OSBPL1A: variants seen among roughly 807,000 people sequenced by gnomAD.
OSBPL1A encodes the protein oxysterol binding protein like 1A, also known as oxysterol-binding protein-related protein 1.
In OSBPL1A, 80 loss-of-function variants were observed where a neutral mutation model predicts 137.1. That is an observed-to-expected ratio of 0.58 (90% CI 0.49 to 0.70). The LOEUF (loss-of-function observed/expected upper bound fraction) is 0.70. Among genes scored for constraint, OSBPL1A ranks in the 30% least tolerant of loss-of-function variants. The probability of loss-of-function intolerance (pLI) is 0.00; values close to 1 mark genes in which losing one functional copy is unlikely to be tolerated. For synonymous variants in OSBPL1A, 365 were observed against 389.7 expected (o/e 0.94, Z 0.75); for missense variants, 970 against 1,129.4 (o/e 0.86, Z 2.02).
intron 17 of OSBPL1A, among the ~76,000 whole-genome samples, chr18:24,210,996 C>T (rs188566525): frequency 2.0e-5 from 3 of 151,870 alleles, no homozygotes; most frequent in Non-Finnish European, 4.4e-5. Context: ...GACGGAGTCT[C>T]GCTCTGTCAC....
chr18:24,187,857 G>A (rs2086790709), intron 18 of OSBPL1A, among the ~76,000 whole-genome samples: 1 of 152,170 alleles, frequency 6.6e-6, no homozygotes, highest in South Asian at 2.1e-4. Context: ...GGGCCAGGAG[G>A]GATCCAAACA....
intron 15 of OSBPL1A, among the ~76,000 whole-genome samples, chr18:24,267,121 G>A (rs2089598079): frequency 6.7e-6 from 1 of 149,176 alleles, no homozygotes; most frequent in Non-Finnish European, 1.5e-5. Flanking sequence ...AAAAGTTTAG[G>A]AAAGATATAT....
At chr18:24,281,781 G>GA (rs1372967806) in intron 14 of OSBPL1A, among the ~76,000 whole-genome samples, 1 of 152,180 alleles carries the variant, frequency 6.6e-6, no homozygotes, top group African/African-American at 2.4e-5. Context: ...CCTTCTCCTA[G>GA]AAAGGTCTAT....
intron 17 of OSBPL1A, among the ~76,000 whole-genome samples, chr18:24,216,314 T>A (rs2087695615): frequency 6.6e-6 from 1 of 152,200 alleles, no homozygotes. Context: ...GAGACCAGCC[T>A]GGGCAACACA....
intron 5 of OSBPL1A, among the ~76,000 whole-genome samples, chr18:24,340,728 C>T (rs1054794013): frequency 5.9e-5 from 9 of 152,068 alleles, no homozygotes; most frequent in Non-Finnish European, 1.3e-4. Flanking sequence ...ATCGCTTGAA[C>T]CCAAGAGGCG....
intron 21 of OSBPL1A, among the ~76,000 whole-genome samples, chr18:24,175,115 T>TATATATATAC (rs2086402451): frequency 3.4e-5 from 1 of 29,186 alleles, no homozygotes; most frequent in African/African-American, 6.9e-5. Flanking sequence ...TATGTATATA[T>TATATATATAC]ATATATATAT....
intron 4 of OSBPL1A, chr18:24,358,401 TTGTCCACTCC>T (rs569657665): frequency 5.8e-6 from 4 of 694,190 alleles, no homozygotes; most frequent in Non-Finnish European, 1.0e-5. Context: ...ACTACTTGAC[TTGTCCACTCC>T]TGTCCACTTC....
intron 15 of OSBPL1A, among the ~76,000 whole-genome samples, chr18:24,262,399 T>C (rs1201863912): frequency 6.6e-6 from 1 of 152,024 alleles, no homozygotes; most frequent in Non-Finnish European, 1.5e-5. Context: ...ATAGTTTTTT[T>C]TTTTGAGATA....
intron 13 of OSBPL1A, among the ~76,000 whole-genome samples, chr18:24,309,058 A>C (rs1189587934): frequency 1.3e-5 from 2 of 152,238 alleles, no homozygotes; most frequent in Non-Finnish European, 2.9e-5. Flanking sequence ...GGCGTAAGCC[A>C]CCGTGCCCAG....
At chr18:24,349,675 A>G (rs2146169358) in intron 4 of OSBPL1A, among the ~76,000 whole-genome samples, 1 of 149,474 alleles carries the variant, frequency 6.7e-6, no homozygotes, top group Non-Finnish European at 1.5e-5. Context: ...CTGTGTGGCC[A>G]TGATTTGAGG....
intron 14 of OSBPL1A, among the ~76,000 whole-genome samples, chr18:24,290,206 G>T (rs572498617): frequency 6.6e-6 from 1 of 152,068 alleles, no homozygotes; most frequent in Admixed American, 6.6e-5. Flanking sequence ...AATCCATAAA[G>T]ACACCGAATA....
intron 11 of OSBPL1A, among the ~76,000 whole-genome samples, chr18:24,316,865 A>C (rs150254744): frequency 9.2e-4 from 140 of 152,368 alleles, no homozygotes; most frequent in African/African-American, 3.3e-3. Context: ...AGGATATTTC[A>C]TCATCAAATA....
intron 2 of OSBPL1A, among the ~76,000 whole-genome samples, chr18:24,369,160 G>C (rs1433341068): frequency 1.3e-5 from 2 of 152,192 alleles, no homozygotes; most frequent in African/African-American, 2.4e-5. Context: ...TCTACAGATA[G>C]TGCCTGAAAG....
rs968561166 is a variant in OSBPL1A, at chr18:24,392,839, C to T, written c.-3+4816G>A. Among the ~76,000 whole-genome samples the T allele has an allele frequency of 5.3e-5, 8 of 152,180 alleles. No homozygotes were observed. The East Asian group carries it at 7.8e-4, about 15-fold the overall frequency. The stretch of plus-strand genomic sequence containing the variant: ...CTGAGTAGCTGGGACCACAGGTGCA[C>T]GCCACCATACCCAGCTAATTTTTGT... On this transcript the variant is annotated intron_variant, in intron 1 of 27. Transcript: ENST00000319481.
At chr18:24,177,386 A>T (rs2086477624) in intron 21 of OSBPL1A, among the ~76,000 whole-genome samples, 1 of 152,210 alleles carries the variant, frequency 6.6e-6, no homozygotes, top group South Asian at 2.1e-4. Context: ...TTTGGGAGAA[A>T]TATATAAAAC....
chr18:24,186,636 T>A (rs1002205186), intron 18 of OSBPL1A, among the ~76,000 whole-genome samples: 2 of 152,068 alleles, frequency 1.3e-5, no homozygotes, highest in African/African-American at 2.4e-5. Flanking sequence ...AAACCTAAGG[T>A]GGCTCAGGCC....
intron 7 of OSBPL1A, among the ~76,000 whole-genome samples, chr18:24,326,926 T>C (rs1729324647): frequency 6.6e-6 from 1 of 152,150 alleles, no homozygotes; most frequent in Non-Finnish European, 1.5e-5. Context: ...TTTTCCTCAT[T>C]GCAACTATAA....
rs879752974 is a variant in OSBPL1A at position 24,229,744 on chromosome 18, C to CT, written c.1445-4547dup. 2.4e-3 allele frequency among the ~76,000 whole-genome samples: 347 copies of CT among 145,220 alleles called. 1 individual carries two copies. Among genetic ancestry groups the CT allele is most frequent in the Middle Eastern group, 0.011 (3 of 270 alleles). On this transcript the variant is annotated intron_variant, in intron 16 of 27. Transcript: ENST00000319481. ...GGTATCTATGAAGTGATAAATCAAT[C>CT]TTTTTTTTTTTTTGGCTTTTTTTTG...
chr18:24,190,365 A>G (rs1303128318), intron 18 of OSBPL1A, among the ~76,000 whole-genome samples: 1 of 151,686 alleles, frequency 6.6e-6, no homozygotes, highest in East Asian at 1.9e-4. Flanking sequence ...AAAAAAAAAA[A>G]AAAAAAAAAG....
Sources: gnomAD v4.1 joint callset for allele counts (sites outside exome capture counted in the v4.1 genomes callset) on GRCh38, gnomAD v4.1.1 for gene constraint, MANE v1.5 for transcripts, NCBI Gene and HGNC (gene_info 2026-07-23, HGNC 2026-07-21) for gene names.